Variants in CRPPA observed in about 807,000 individuals in gnomAD.
CRPPA encodes D-ribitol-5-phosphate cytidylyltransferase.
A neutral mutation model predicts 52.0 loss-of-function variants in CRPPA; 43 were observed. The ratio of observed to expected loss-of-function variants is 0.83; its 90% CI spans 0.65 to 1.07. The LOEUF (loss-of-function observed/expected upper bound fraction) is 1.07, where lower values mean the gene tolerates loss of function less well. CRPPA is among the 50% of genes least tolerant of loss of function. The pLI, the probability that CRPPA is intolerant of heterozygous loss-of-function variation, is 0.00. For synonymous variants in CRPPA, 250 were observed against 203.5 expected (o/e 1.23, Z -1.94); for missense variants, 629 against 551.7 (o/e 1.14, Z -1.40).
At chr7:16,096,403 A>G (rs1272227151) in intron 9 of CRPPA, among the ~76,000 whole-genome samples, 1 of 152,170 alleles carries the variant, frequency 6.6e-6, no homozygotes, top group East Asian at 1.9e-4. Context: ...AAATAGAACT[A>G]GAGATAAAAA....
chr7:16,208,165 G>A (rs966821610), intron 9 of CRPPA, among the ~76,000 whole-genome samples: 4 of 152,004 alleles, frequency 2.6e-5, no homozygotes, highest in Non-Finnish European at 5.9e-5. Context: ...TTAATATGAT[G>A]CTTTAATTAA....
chr7:16,285,231 T>C lies in CRPPA; in HGVS notation c.836-7005A>G, dbSNP rs553033251. ...ATTGAGGGGAACCACAAAATCATTT[T>C]ACAACCCAGAATTGTACAAATATAA... On this transcript the variant is annotated intron_variant, in intron 5 of 9. Coordinates refer to ENST00000407010, the MANE Select transcript of CRPPA (RefSeq NM_001101426.4). 2.6e-5 allele frequency among the ~76,000 whole-genome samples: 4 copies of C among 152,272 alleles called. No individual in the cohort carries two copies. The South Asian group carries it at 8.3e-4, about 32-fold the overall frequency.
intron 3 of CRPPA, among the ~76,000 whole-genome samples, chr7:16,346,432 C>T (rs920010336): frequency 1.3e-5 from 2 of 151,954 alleles, no homozygotes; most frequent in Non-Finnish European, 2.9e-5. Flanking sequence ...GAAAAAGATG[C>T]GGTCAGTCAG....
intron 9 of CRPPA, among the ~76,000 whole-genome samples, chr7:16,170,933 G>A (rs377694064): frequency 7.2e-5 from 11 of 152,286 alleles, no homozygotes; most frequent in East Asian, 3.9e-4. Flanking sequence ...GCTTAGCCCC[G>A]GTTCCTGCCT....
At chr7:16,266,231 G>C (rs1022572442) in intron 6 of CRPPA, 2 of 152,174 alleles carry the variant, frequency 1.3e-5, no homozygotes, top group African/African-American at 4.8e-5. Flanking sequence ...CTTCAGATTT[G>C]ATATCAAAGT....
chr7:16,333,133 T>C (rs1191439020), intron 3 of CRPPA, among the ~76,000 whole-genome samples: 1 of 152,144 alleles, frequency 6.6e-6, no homozygotes, highest in Non-Finnish European at 1.5e-5. Context: ...CTGATAGATG[T>C]GTAAAATAAC....
rs1473013324 is a variant in CRPPA, at chr7:16,123,284, C to G, written c.1252-31485G>C. On this transcript the variant is annotated intron_variant, in intron 9 of 9. Coordinates refer to ENST00000407010, the MANE Select transcript of CRPPA (RefSeq NM_001101426.4). ...CAAAATAGTTTTCATTTCCTTAGGT[C>G]TAATGTGTTGCTAATTTCCAGGGTA... 3.3e-5 allele frequency among the ~76,000 whole-genome samples: 5 copies of G among 152,012 alleles called. No homozygotes were observed. In the South Asian group the frequency reaches 6.2e-4, roughly 19 times the overall value.
intron 6 of CRPPA, 148 bp from the exon 7 acceptor site, chr7:16,259,160 G>T: frequency 1.8e-6 from 1 of 543,156 alleles, no homozygotes; most frequent in South Asian, 2.7e-5. Context: ...AAGTTCATCA[G>T]GCTATCAAGA....
Position 16,336,439 on chromosome 7 carries a change from A to G in CRPPA, c.685-27812T>C, listed in dbSNP as rs1203183847. Among the ~76,000 whole-genome samples the G allele has an allele frequency of 5.9e-5, 9 of 152,184 alleles. No individual in the cohort carries two copies. The East Asian group carries it at 1.7e-3, about 29-fold the overall frequency. On this transcript the variant is annotated intron_variant, in intron 3 of 9. Transcript: ENST00000407010. ...CTTAAAGTAGGCCTAGTATAAAAAT[A>G]TTTTATGTAAGCCTTATAACTACAA...
chr7:16,135,997 A>G (rs529035721), intron 9 of CRPPA, among the ~76,000 whole-genome samples: 1 of 152,260 alleles, frequency 6.6e-6, no homozygotes, highest in African/African-American at 2.4e-5. Context: ...AAAAGTAGAG[A>G]GCCATGTTGC....
chr7:16,361,260 A>C lies in CRPPA; in HGVS notation c.684+14832T>G, dbSNP rs565645791. On this transcript the variant is annotated intron_variant, in intron 3 of 9. Coordinates refer to ENST00000407010, the MANE Select transcript of CRPPA (RefSeq NM_001101426.4). The stretch of plus-strand genomic sequence containing the variant: ...GATTGGAAACCCGTGTGAACTACTG[A>C]TAGAAATAAAAATGGTACAGCCACT... Among the ~76,000 whole-genome samples, 3 of 152,316 alleles carry C rather than the reference A, an allele frequency of 2.0e-5. No homozygotes were observed. The East Asian group carries it at 5.8e-4, about 29-fold the overall frequency.
intron 8 of CRPPA, among the ~76,000 whole-genome samples, chr7:16,253,036 T>G (rs1457657400): frequency 6.6e-6 from 1 of 152,184 alleles, no homozygotes; most frequent in Non-Finnish European, 1.5e-5. Flanking sequence ...TCTATTTTGT[T>G]GATCTTTTCA....
rs148768733 is a variant in CRPPA at position 16,347,188 on chromosome 7, C to A, written c.684+28904G>T. ...TCAGACAAGGAAACTAAGATTGACA[C>A]CTTAAATAGACTCCTGACAGTTATA... On this transcript the variant is annotated intron_variant, in intron 3 of 9. Coordinates refer to ENST00000407010, the MANE Select transcript of CRPPA (RefSeq NM_001101426.4). Among the ~76,000 whole-genome samples, 3 of 152,090 alleles carry A rather than the reference C, an allele frequency of 2.0e-5. No individual in the cohort carries two copies. The East Asian group carries it at 5.8e-4, about 29-fold the overall frequency.
At chr7:16,150,878 A>G (rs1439310530) in intron 9 of CRPPA, among the ~76,000 whole-genome samples, 1 of 152,202 alleles carries the variant, frequency 6.6e-6, no homozygotes, top group East Asian at 1.9e-4. Flanking sequence ...GTTTTTTATA[A>G]GAAACCCACT....
chr7:16,242,094 A>T (rs1402585076), intron 8 of CRPPA, among the ~76,000 whole-genome samples: 1 of 151,328 alleles, frequency 6.6e-6, no homozygotes, highest in Admixed American at 6.6e-5. Context: ...GGATGGAACT[A>T]CAGGCACCCG....
Position 16,375,631 on chromosome 7 carries a change from A to G in CRPPA, c.684+461T>C, listed in dbSNP as rs78376562. On this transcript the variant is annotated intron_variant, in intron 3 of 9. Transcript: ENST00000407010. ...CATCTGAGAATTAACTGACAAGGGCAAGTCAGTGTGCCTGCCTAGACTGTT... is the reference window on the plus strand; with the variant it reads ...CATCTGAGAATTAACTGACAAGGGCGAGTCAGTGTGCCTGCCTAGACTGTT... Among the ~76,000 whole-genome samples, 1,054 of 152,306 alleles carry G rather than the reference A, an allele frequency of 6.9e-3. 12 individuals are homozygous for G. The highest frequency in any genetic ancestry group is 0.025 in the African/African-American group (1,021 of 41,568).
intron 9 of CRPPA, among the ~76,000 whole-genome samples, chr7:16,115,582 G>C (rs1782354102): frequency 6.6e-6 from 1 of 152,156 alleles, no homozygotes; most frequent in Non-Finnish European, 1.5e-5. Context: ...TAGTGCTCAG[G>C]ATCTTGGTTT....
At chr7:16,234,023 C>A (rs1782874878) in intron 8 of CRPPA, among the ~76,000 whole-genome samples, 1 of 151,960 alleles carries the variant, frequency 6.6e-6, no homozygotes, top group South Asian at 2.1e-4. Context: ...ACTATATAAT[C>A]CAAATAAAAG....
intron 8 of CRPPA, 94 bp from the exon 9 acceptor site, chr7:16,216,291 A>G: frequency 1.4e-6 from 1 of 718,896 alleles, no homozygotes. Context: ...CCATATGATT[A>G]CAATATTGCA....
Sources: gnomAD v4.1 joint callset for allele counts (sites outside exome capture counted in the v4.1 genomes callset) on GRCh38, gnomAD v4.1.1 for gene constraint, MANE v1.5 for transcripts, NCBI Gene and HGNC (gene_info 2026-07-23, HGNC 2026-07-21) for gene names.